Variants in MAEA observed in about 807,000 individuals in gnomAD.
The protein encoded by MAEA is E3 ubiquitin-protein transferase MAEA.
A neutral mutation model predicts 46.2 loss-of-function variants in MAEA; 22 were observed. The observed-to-expected ratio is 0.48, with a 90% CI of 0.34 to 0.68. The LOEUF (loss-of-function observed/expected upper bound fraction) is 0.68, where lower values mean the gene tolerates loss of function less well. Ranked by LOEUF, MAEA falls within the 30% of genes least tolerant of loss-of-function variation. MAEA has a pLI of 0.01. For missense variants in MAEA, 393 were observed against 558.1 expected (o/e 0.70, Z 2.98); for synonymous variants, 246 against 222.6 (o/e 1.11, Z -0.94).
chr4:1,318,801 T>TG lies in MAEA; in HGVS notation c.456+3202dup, dbSNP rs554737543. On this transcript the variant is annotated intron_variant, in intron 3 of 8. Coordinates refer to ENST00000303400, the MANE Select transcript of MAEA (RefSeq NM_001017405.3). ...ACGTGGGACCCCAGTTTCCTACCTGTGCACCAAAATTCCTGTGCACCAAAA... is the reference window on the plus strand; with the variant it reads ...ACGTGGGACCCCAGTTTCCTACCTGTGGCACCAAAATTCCTGTGCACCAAAA... Among the ~76,000 whole-genome samples the TG allele has an allele frequency of 1.9e-3, 283 of 152,234 alleles. 1 individual carries two copies. Among genetic ancestry groups the TG allele is most frequent in the African/African-American group, 6.7e-3 (280 of 41,536 alleles).
Position 1,336,952 on chromosome 4 carries a change from T to C in MAEA, c.857T>C (p.Phe286Ser), listed in dbSNP as rs1356770621. The change falls in exon 7 of 9, where the codon TTC becomes TCC. Residue 286 changes from phenylalanine (F) to serine (S), a missense_variant. Transcript: ENST00000303400. ...CACCAGCTGGGAAACAATTCTGTGT[T>C]CACCCTCACCCTGCAGGCTGGCCTC... ...RLHQLGNNSV[F>S]TLTLQAGLSA... The C allele has an allele frequency of 6.2e-7, 1 of 1,614,072 alleles. No homozygotes were observed. The highest frequency in any genetic ancestry group is 8.5e-7 in the Non-Finnish European group (1 of 1,180,026).
rs901735214 is a variant in MAEA, at chr4:1,330,079, G to A, written c.656+2376G>A. 12 of 985,418 alleles carry A rather than the reference G, an allele frequency of 1.2e-5. No homozygotes were observed. The East Asian group carries it at 3.4e-4, about 28-fold the overall frequency. The allele number at this position is 985,418 out of a possible 1,614,324, so 61.0% of individuals were successfully genotyped here. On this transcript the variant is annotated intron_variant, in intron 5 of 8. Transcript: ENST00000303400. ...CGTTGGCTGGGGTGGCTGCAGCTCC[G>A]CCCTGCCTGGGGCATTTGTGGGTTT...
chr4:1,310,648 C>G (rs572232859), intron 1 of MAEA, among the ~76,000 whole-genome samples: 2 of 152,354 alleles, frequency 1.3e-5, no homozygotes, highest in East Asian at 3.9e-4. Context: ...TTTGCAAAGC[C>G]TCCTGTGTGG....
intron 2 of MAEA, among the ~76,000 whole-genome samples, chr4:1,314,191 A>G (rs904501837): frequency 1.3e-5 from 2 of 149,550 alleles, no homozygotes; most frequent in Non-Finnish European, 3.0e-5. Flanking sequence ...TTAGCCGGGC[A>G]TGGTGTACGC....
At chr4:1,323,878 A>G (rs1024276125) in intron 4 of MAEA, among the ~76,000 whole-genome samples, 2 of 152,232 alleles carry the variant, frequency 1.3e-5, no homozygotes, top group African/African-American at 4.8e-5. Context: ...CCCTGAATGC[A>G]TGCCTGGGGG....
intron 3 of MAEA, among the ~76,000 whole-genome samples, chr4:1,322,145 G>T (rs1321524380): frequency 6.6e-6 from 1 of 152,170 alleles, no homozygotes; most frequent in Non-Finnish European, 1.5e-5. Context: ...CCCTTGCCCG[G>T]CTATGGCTGC....
At position 1,298,709 on chromosome 4, in the gene MAEA, C is replaced by T. The variant is rs542462326; in HGVS notation, c.69+8727C>T. On this transcript the variant is annotated intron_variant, in intron 1 of 8. Coordinates refer to ENST00000303400, the MANE Select transcript of MAEA (RefSeq NM_001017405.3). ...GCTCAGTCCTTGGCCCTGGGTGTTG[C>T]TGTGAGCACCGCTGCCTTGGTGCTC... Among the ~76,000 whole-genome samples, 4 of 152,238 alleles carry T rather than the reference C, an allele frequency of 2.6e-5. 1 individual carries two copies. The highest frequency in any genetic ancestry group is 9.6e-5 in the African/African-American group (4 of 41,548).
intron 5 of MAEA, chr4:1,328,928 G>A (rs760428409): frequency 5.8e-5 from 58 of 999,806 alleles, no homozygotes; most frequent in Admixed American, 2.9e-4. Flanking sequence ...GGAGAGTGGC[G>A]TGTGAGCATT....
intron 3 of MAEA, among the ~76,000 whole-genome samples, chr4:1,318,853 T>C (rs1262765399): frequency 2.0e-5 from 3 of 152,062 alleles, no homozygotes; most frequent in Non-Finnish European, 4.4e-5. Context: ...CTTAGGAAAA[T>C]AACCTCATGC....
intron 8 of MAEA, 76 bp downstream of exon 8, chr4:1,338,693 AG>A: frequency 3.9e-6 from 4 of 1,035,886 alleles, no homozygotes; most frequent in South Asian, 1.5e-5. Context: ...CGGGCAGGGC[AG>A]GGGGGCCAGG....
At chr4:1,335,519 G>A (rs1222654969) in intron 6 of MAEA, 2 of 846,424 alleles carry the variant, frequency 2.4e-6, no homozygotes, top group Admixed American at 1.3e-4. Context: ...CTGGCCCCAT[G>A]GCGTGTTGAA....
chr4:1,293,053 C>T (rs1577115836), intron 1 of MAEA, among the ~76,000 whole-genome samples: 1 of 152,074 alleles, frequency 6.6e-6, no homozygotes, highest in Non-Finnish European at 1.5e-5. Flanking sequence ...GCCACCATGC[C>T]CAGCTAATTT....
intron 1 of MAEA, among the ~76,000 whole-genome samples, chr4:1,297,480 C>A (rs1018554736): frequency 8.9e-6 from 1 of 112,492 alleles, no homozygotes; most frequent in Non-Finnish European, 1.7e-5. Context: ...TGTATACATA[C>A]ATATAGAGAG....
Position 1,310,831 on chromosome 4 carries a change from G to A in MAEA, c.70-1148G>A, listed in dbSNP as rs774126987. Among the ~76,000 whole-genome samples, 120 of 152,240 alleles carry A rather than the reference G, an allele frequency of 7.9e-4. 5 individuals are homozygous for A. The highest frequency in any genetic ancestry group is 1.6e-4 in the Non-Finnish European group (11 of 68,034). Reference sequence around the variant, plus strand: ...CCGCCTCCTGCCCCTGCTTTCGGGGGGAAAGTGAGTCTAGGGAAGAGCCCT... The same window carrying A: ...CCGCCTCCTGCCCCTGCTTTCGGGGAGAAAGTGAGTCTAGGGAAGAGCCCT... On this transcript the variant is annotated intron_variant, in intron 1 of 8. Coordinates refer to ENST00000303400, the MANE Select transcript of MAEA (RefSeq NM_001017405.3).
chr4:1,335,409 A>G (rs1712617805), intron 6 of MAEA: 1 of 985,374 alleles, frequency 1.0e-6, no homozygotes, highest in Non-Finnish European at 1.2e-6. Flanking sequence ...TGGCATGTTG[A>G]AATCAGAGTT....
At chr4:1,307,686 C>T (rs556033888) in intron 1 of MAEA, among the ~76,000 whole-genome samples, 1 of 152,278 alleles carries the variant, frequency 6.6e-6, no homozygotes, top group East Asian at 1.9e-4. Flanking sequence ...CAGTCCAAAG[C>T]CAAAGGCCTG....
At chr4:1,292,567 G>A (rs1459394969) in intron 1 of MAEA, among the ~76,000 whole-genome samples, 1 of 152,182 alleles carries the variant, frequency 6.6e-6, no homozygotes, top group Non-Finnish European at 1.5e-5. Flanking sequence ...TGTCGGTGGT[G>A]GGGGCTGTGC....
At chr4:1,329,390 CATA>C in intron 5 of MAEA, 1 of 985,506 alleles carries the variant, frequency 1.0e-6, no homozygotes, top group Non-Finnish European at 1.2e-6. Flanking sequence ...GCCTCCACCT[CATA>C]ATGTCTGAGC....
At chr4:1,300,925 A>G (rs1237065699) in intron 1 of MAEA, among the ~76,000 whole-genome samples, 1 of 152,132 alleles carries the variant, frequency 6.6e-6, no homozygotes, top group African/African-American at 2.4e-5. Flanking sequence ...TGGGGAGATT[A>G]GCTCAGGATG....
Sources: gnomAD v4.1 joint callset for allele counts (sites outside exome capture counted in the v4.1 genomes callset) on GRCh38, gnomAD v4.1.1 for gene constraint, MANE v1.5 for transcripts, NCBI Gene and HGNC (gene_info 2026-07-23, HGNC 2026-07-21) for gene names.